PCDHGB6: variants seen among roughly 807,000 people sequenced by gnomAD.
PCDHGB6 encodes protocadherin gamma subfamily B, 6, also known as protocadherin gamma-B6.
Under a neutral mutation model 59.1 loss-of-function variants are expected in PCDHGB6, and 51 were observed. That is an observed-to-expected ratio of 0.86 (90% CI 0.69 to 1.09). The LOEUF is 1.09. Ranked by LOEUF, PCDHGB6 falls within the 50% of genes least tolerant of loss-of-function variation. PCDHGB6 has a pLI of 0.00. For synonymous variants in PCDHGB6, 466 were observed against 495.1 expected (o/e 0.94, Z 0.78); for missense variants, 1,148 against 1,205.1 (o/e 0.95, Z 0.70).
chr5:141,487,040 C>T lies in PCDHGB6; in HGVS notation c.2419-7767C>T, dbSNP rs374574042. The T allele has an allele frequency of 3.7e-6, 6 of 1,614,136 alleles. No homozygotes were observed. Among genetic ancestry groups the T allele is most frequent in the South Asian group, 1.1e-5 (1 of 91,082 alleles). On this transcript the variant is annotated intron_variant, in intron 1 of 3. Transcript: ENST00000520790. This position sits in a 1 kb window ranked among gnomAD's most constrained non-coding sequence, Gnocchi z 5.0. Reference sequence around the variant, plus strand: ...AGATCCCAGCCTGTTTGCAGTCTCTCGATATGCTGGGGAGGTGCGGACGGC... The same window carrying T: ...AGATCCCAGCCTGTTTGCAGTCTCTTGATATGCTGGGGAGGTGCGGACGGC...
intron 2 of PCDHGB6, among the ~76,000 whole-genome samples, chr5:141,499,016 GGAAGGAA>G (rs2099788564): frequency 7.0e-6 from 1 of 143,496 alleles, no homozygotes; most frequent in Non-Finnish European, 1.5e-5. Flanking sequence ...AAGGAAGGAA[GGAAGGAA>G]GGAAGAAAAG....
intron 1 of PCDHGB6, chr5:141,478,233 T>G: frequency 6.2e-7 from 1 of 1,614,126 alleles, no homozygotes. Context: ...GTGGGGTTTG[T>G]GGTCACAGTG....
At chr5:141,452,193 GT>G (rs1375451557) in intron 1 of PCDHGB6, among the ~76,000 whole-genome samples, 1 of 151,990 alleles carries the variant, frequency 6.6e-6, no homozygotes, top group Non-Finnish European at 1.5e-5. Context: ...ACCTCAAATT[GT>G]TTTAGATGTT....
intron 1 of PCDHGB6, chr5:141,421,720 G>T: frequency 6.2e-7 from 1 of 1,613,906 alleles, no homozygotes. Context: ...AGATGTGGGC[G>T]TGAACTCCCT....
Position 141,487,501 on chromosome 5 carries a change from T to A in PCDHGB6, c.2419-7306T>A. 1 of 1,614,232 alleles carries A rather than the reference T, an allele frequency of 6.2e-7. No individual in the cohort carries two copies. Among genetic ancestry groups the A allele is most frequent in the Non-Finnish European group, 8.5e-7 (1 of 1,180,036 alleles). On this transcript the variant is annotated intron_variant, in intron 1 of 3. Transcript: ENST00000520790. This position sits in a 1 kb window ranked among gnomAD's most constrained non-coding sequence, Gnocchi z 5.0. ...ACTCTCATGGCTGTACACCCTTGGC[T>A]TCTGCACCCACTCGGAGTGATAGCT...
At chr5:141,442,689 G>A (rs966261716) in intron 1 of PCDHGB6, among the ~76,000 whole-genome samples, 1 of 152,238 alleles carries the variant, frequency 6.6e-6, no homozygotes, top group South Asian at 2.1e-4. Context: ...CAGTAGTCAG[G>A]CAGACAAGAG....
At chr5:141,508,576 C>A (rs1437398161) in intron 3 of PCDHGB6, among the ~76,000 whole-genome samples, 1 of 152,136 alleles carries the variant, frequency 6.6e-6, no homozygotes, top group African/African-American at 2.4e-5. Flanking sequence ...TGCACCCACT[C>A]GGGGTGCTAC....
chr5:141,496,554 G>T (rs2099769470), intron 2 of PCDHGB6, among the ~76,000 whole-genome samples: 1 of 152,160 alleles, frequency 6.6e-6, no homozygotes, highest in Non-Finnish European at 1.5e-5. Context: ...TTCTGGGCAT[G>T]CACAGTCCTG....
In PCDHGB6 at chr5:141,422,312, C is replaced by T; in HGVS notation, c.2418+11692C>T. On this transcript the variant is annotated intron_variant, in intron 1 of 3. Coordinates refer to ENST00000520790, the MANE Select transcript of PCDHGB6 (RefSeq NM_018926.3). ...ATTAATTCAATTCTGGAAAACTCTC[C>T]TCCAGGTACAGTGATTGCTCTTCTA... The T allele has an allele frequency of 1.9e-6, 3 of 1,547,444 alleles. No individual in the cohort carries two copies. Among genetic ancestry groups the T allele is most frequent in the Non-Finnish European group, 1.7e-6 (2 of 1,153,976 alleles).
Position 141,476,944 on chromosome 5 carries a change from C to T in PCDHGB6, c.2419-17863C>T, listed in dbSNP as rs1360022622. The T allele has an allele frequency of 3.3e-5, 53 of 1,614,072 alleles. No homozygotes were observed. The highest frequency in any genetic ancestry group is 4.1e-5 in the Non-Finnish European group (48 of 1,180,052). ...CAACGGATCTGGATGAAGGCCCCAACGGTGAAATTATTTACTCCTTCGGCA... is the reference window on the plus strand; with the variant it reads ...CAACGGATCTGGATGAAGGCCCCAATGGTGAAATTATTTACTCCTTCGGCA... On this transcript the variant is annotated intron_variant, in intron 1 of 3. Transcript: ENST00000520790. The surrounding 1 kb of genome is among the most constrained non-coding windows in gnomAD (Gnocchi z 7.6).
intron 1 of PCDHGB6, among the ~76,000 whole-genome samples, chr5:141,473,698 T>A (rs2099327181): frequency 6.6e-6 from 1 of 152,166 alleles, no homozygotes; most frequent in Non-Finnish European, 1.5e-5. Context: ...CTGACCACCC[T>A]CCAAGTGGTG....
At chr5:141,478,924 T>C (rs1213046748) in intron 1 of PCDHGB6, 10 of 704,004 alleles carry the variant, frequency 1.4e-5, no homozygotes. Context: ...CTCTAACCAG[T>C]GGCAGCTTCT....
At chr5:141,428,754 T>C (rs932377392) in intron 1 of PCDHGB6, 7 of 154,708 alleles carry the variant, frequency 4.5e-5, no homozygotes, top group African/African-American at 1.4e-4. Context: ...TTGCTTCAGG[T>C]TTGTTTGCCC....
chr5:141,493,141 C>T lies in PCDHGB6; in HGVS notation c.2419-1666C>T, dbSNP rs1327581425. On this transcript the variant is annotated intron_variant, in intron 1 of 3. Coordinates refer to ENST00000520790, the MANE Select transcript of PCDHGB6 (RefSeq NM_018926.3). This position sits in a 1 kb window ranked among gnomAD's most constrained non-coding sequence, Gnocchi z 4.3. ...CTCCTAGGACTGTATTTTGAAACAC[C>T]CCCAGGTGATTTTGATAGCTGATTG... Among the ~76,000 whole-genome samples the T allele has an allele frequency of 1.4e-5, 2 of 146,284 alleles. No homozygotes were observed. Among genetic ancestry groups the T allele is most frequent in the East Asian group, 2.0e-4 (1 of 5,022 alleles).
rs1475572413 is a variant in PCDHGB6, at chr5:141,432,843, T to G, written c.2418+22223T>G. The G allele has an allele frequency of 6.2e-7, 1 of 1,614,066 alleles. No homozygotes were observed. The highest frequency in any genetic ancestry group is 8.5e-7 in the Non-Finnish European group (1 of 1,180,020). ...TCAGACCTCACTCTGTACCTGGTGGTAGCGGTGGCCGCGGTCTCCTGCGTC... is the reference window on the plus strand; with the variant it reads ...TCAGACCTCACTCTGTACCTGGTGGGAGCGGTGGCCGCGGTCTCCTGCGTC... On this transcript the variant is annotated intron_variant, in intron 1 of 3. Coordinates refer to ENST00000520790, the MANE Select transcript of PCDHGB6 (RefSeq NM_018926.3). This position sits in a 1 kb window ranked among gnomAD's most constrained non-coding sequence, Gnocchi z 6.0.
rs1280755615 is a variant in PCDHGB6 at position 141,431,629 on chromosome 5, A to C, written c.2418+21009A>C. On this transcript the variant is annotated intron_variant, in intron 1 of 3. Transcript: ENST00000520790. This position sits in a 1 kb window ranked among gnomAD's most constrained non-coding sequence, Gnocchi z 4.8. ...GGTATGTGGACGACAAGGCGGCCCA[A>C]GTTTTCAAACTAGATTGTAATTCAG... 6.2e-7 allele frequency: 1 copy of C among 1,614,246 alleles called. No individual in the cohort carries two copies. Among genetic ancestry groups the C allele is most frequent in the South Asian group, 1.1e-5 (1 of 91,090 alleles).
rs888389135 is a variant in PCDHGB6 at position 141,487,089 on chromosome 5, C to T, written c.2419-7718C>T. 12 of 1,613,882 alleles carry T rather than the reference C, an allele frequency of 7.4e-6. No individual in the cohort carries two copies. Among genetic ancestry groups the T allele is most frequent in the Non-Finnish European group, 1.0e-5 (12 of 1,179,768 alleles). On this transcript the variant is annotated intron_variant, in intron 1 of 3. Coordinates refer to ENST00000520790, the MANE Select transcript of PCDHGB6 (RefSeq NM_018926.3). The surrounding 1 kb of genome is among the most constrained non-coding windows in gnomAD (Gnocchi z 5.0). The stretch of plus-strand genomic sequence containing the variant: ...GCTGTTCCTATCCCAGCTGACCTCC[C>T]ACCACAGAAGCTGGTCATTGTGGTA...
intron 2 of PCDHGB6, among the ~76,000 whole-genome samples, chr5:141,503,780 T>G (rs779791247): frequency 7.2e-5 from 11 of 152,124 alleles, no homozygotes; most frequent in Non-Finnish European, 1.3e-4. Flanking sequence ...GTTCTTAGGC[T>G]GAGTTCATCT....
At chr5:141,456,984 C>T (rs374156327) in intron 1 of PCDHGB6, among the ~76,000 whole-genome samples, 1 of 152,082 alleles carries the variant, frequency 6.6e-6, no homozygotes, top group Admixed American at 6.6e-5. Flanking sequence ...AACAAACAAA[C>T]AAACAAAAAC....
Sources: gnomAD v4.1 joint callset for allele counts (sites outside exome capture counted in the v4.1 genomes callset) on GRCh38, gnomAD v4.1.1 for gene constraint, Gnocchi (gnomAD v3.1) non-coding constraint, MANE v1.5 for transcripts, NCBI Gene and HGNC (gene_info 2026-07-23, HGNC 2026-07-21) for gene names.